Variants in GNAQ observed in about 807,000 individuals in gnomAD.
GNAQ encodes the protein guanine nucleotide-binding protein G(q) subunit alpha.
In GNAQ, 8 loss-of-function variants were observed where a neutral mutation model predicts 43.9. The observed-to-expected ratio is 0.18, with a 90% CI of 0.11 to 0.33. The LOEUF is 0.33. GNAQ is among the 10% of genes least tolerant of loss of function. The probability of loss-of-function intolerance (pLI) is 1.00; values close to 1 mark genes in which losing one functional copy is unlikely to be tolerated. For synonymous variants in GNAQ, 155 were observed against 170.7 expected (o/e 0.91, Z 0.71); for missense variants, 158 against 450.8 (o/e 0.35, Z 5.88).
At chr9:77,862,627 T>G (rs1295119859) in intron 2 of GNAQ, among the ~76,000 whole-genome samples, 1 of 152,186 alleles carries the variant, frequency 6.6e-6, no homozygotes, top group African/African-American at 2.4e-5. Flanking sequence ...ACCTCCAGGT[T>G]TGTTATAGGA....
intron 2 of GNAQ, among the ~76,000 whole-genome samples, chr9:77,819,441 A>G (rs1827076361): frequency 6.6e-6 from 1 of 152,102 alleles, no homozygotes; most frequent in Non-Finnish European, 1.5e-5. Flanking sequence ...AATGAAAAAG[A>G]CCTCATAGTC....
At chr9:77,989,328 A>G (rs1823480686) in intron 1 of GNAQ, among the ~76,000 whole-genome samples, 1 of 152,160 alleles carries the variant, frequency 6.6e-6, no homozygotes, top group Non-Finnish European at 1.5e-5. Flanking sequence ...CCATCCCCTC[A>G]TGTGCATCAA....
chr9:77,940,687 G>A lies in GNAQ; in HGVS notation c.137-18342C>T, dbSNP rs1829301839. Among the ~76,000 whole-genome samples, 13 of 152,268 alleles carry A rather than the reference G, an allele frequency of 8.5e-5. No homozygotes were observed. In the South Asian group the frequency reaches 2.7e-3, roughly 32 times the overall value. On this transcript the variant is annotated intron_variant, in intron 1 of 6. Coordinates refer to ENST00000286548, the MANE Select transcript of GNAQ (RefSeq NM_002072.5). ...GATGTATTTTAAAATTTGCAAGTCGGCTGCGCGCGGTGGCTCACGCCTGTA... is the reference window on the plus strand; with the variant it reads ...GATGTATTTTAAAATTTGCAAGTCGACTGCGCGCGGTGGCTCACGCCTGTA...
intron 5 of GNAQ, among the ~76,000 whole-genome samples, chr9:77,735,467 GCAA>G (rs1404717540): frequency 6.6e-6 from 1 of 152,002 alleles, no homozygotes; most frequent in African/African-American, 2.4e-5. Context: ...GTAAATAAAT[GCAA>G]CAACCCAGAA....
At chr9:77,826,907 C>T (rs554132082) in intron 2 of GNAQ, among the ~76,000 whole-genome samples, 1 of 152,224 alleles carries the variant, frequency 6.6e-6, no homozygotes, top group African/African-American at 2.4e-5. Flanking sequence ...TTCAGTAAAA[C>T]AACGCTTTTG....
At chr9:77,910,681 A>G (rs1453288244) in intron 2 of GNAQ, among the ~76,000 whole-genome samples, 1 of 152,124 alleles carries the variant, frequency 6.6e-6, no homozygotes, top group Non-Finnish European at 1.5e-5. Flanking sequence ...ACTACAACAT[A>G]GGAGATACTT....
chr9:78,011,725 C>G (rs1195335392), intron 1 of GNAQ, among the ~76,000 whole-genome samples: 1 of 152,036 alleles, frequency 6.6e-6, no homozygotes, highest in African/African-American at 2.4e-5. Flanking sequence ...CAAAACAGTG[C>G]CAAATCAGCA....
intron 1 of GNAQ, among the ~76,000 whole-genome samples, chr9:77,938,353 T>C (rs1357521159): frequency 1.3e-5 from 2 of 152,172 alleles, no homozygotes; most frequent in African/African-American, 4.8e-5. Flanking sequence ...ATGACAGAGT[T>C]TGGATCAGAT....
intron 1 of GNAQ, among the ~76,000 whole-genome samples, chr9:77,992,809 G>A (rs1197781026): frequency 6.6e-6 from 1 of 152,030 alleles, no homozygotes; most frequent in African/African-American, 2.4e-5. Context: ...GCCAAGTGTG[G>A]TGGTACACGC....
At chr9:77,750,528 T>C (rs758036194) in intron 5 of GNAQ, among the ~76,000 whole-genome samples, 2 of 152,206 alleles carry the variant, frequency 1.3e-5, no homozygotes, top group Admixed American at 1.3e-4. Context: ...TTCAAGATGG[T>C]ATACAGAAGT....
intron 5 of GNAQ, among the ~76,000 whole-genome samples, chr9:77,732,265 G>A (rs913399151): frequency 6.6e-6 from 1 of 152,114 alleles, no homozygotes; most frequent in Non-Finnish European, 1.5e-5. Context: ...TTACTCTGAA[G>A]ACAGGTTTAA....
At chr9:77,852,390 A>C (rs1428031303) in intron 2 of GNAQ, among the ~76,000 whole-genome samples, 1 of 152,206 alleles carries the variant, frequency 6.6e-6, no homozygotes, top group Non-Finnish European at 1.5e-5. Context: ...CAGAGCAATG[A>C]AGAAGGGTGC....
chr9:77,925,236 CCAAT>C (rs746392318), intron 1 of GNAQ, among the ~76,000 whole-genome samples: 2 of 152,116 alleles, frequency 1.3e-5, no homozygotes, highest in Non-Finnish European at 2.9e-5. Context: ...AGCACAAATA[CCAAT>C]CAAATGAAGG....
chr9:77,879,587 C>T (rs548543858), intron 2 of GNAQ, among the ~76,000 whole-genome samples: 1 of 152,238 alleles, frequency 6.6e-6, no homozygotes, highest in Non-Finnish European at 1.5e-5. Flanking sequence ...TGAGTAATAT[C>T]TGTCCAGACT....
intron 1 of GNAQ, among the ~76,000 whole-genome samples, chr9:77,977,446 C>A (rs1316334556): frequency 6.6e-6 from 1 of 152,036 alleles, no homozygotes; most frequent in Non-Finnish European, 1.5e-5. Flanking sequence ...AAATTGAGCT[C>A]CCTCTTGAAA....
chr9:77,918,975 A>T (rs959890133), intron 2 of GNAQ, among the ~76,000 whole-genome samples: 3 of 152,196 alleles, frequency 2.0e-5, no homozygotes, highest in Admixed American at 6.5e-5. Context: ...GCTGCAGCGT[A>T]GCGGCATGAT....
intron 2 of GNAQ, among the ~76,000 whole-genome samples, chr9:77,921,695 G>A (rs1194378901): frequency 6.6e-6 from 1 of 152,166 alleles, no homozygotes; most frequent in African/African-American, 2.4e-5. Context: ...AATGAAGCCT[G>A]TGGTACTACT....
intron 2 of GNAQ, among the ~76,000 whole-genome samples, chr9:77,863,699 T>A (rs1320028328): frequency 1.3e-5 from 2 of 152,090 alleles, no homozygotes; most frequent in Admixed American, 6.5e-5. Context: ...AAAAGAGGTT[T>A]AATGGACTTA....
At chr9:77,902,692 C>T (rs1006317887) in intron 2 of GNAQ, among the ~76,000 whole-genome samples, 1 of 152,132 alleles carries the variant, frequency 6.6e-6, no homozygotes, top group Non-Finnish European at 1.5e-5. Flanking sequence ...AAACCTAACC[C>T]AAGTTAGAAA....
Sources: gnomAD v4.1 joint callset for allele counts (sites outside exome capture counted in the v4.1 genomes callset) on GRCh38, gnomAD v4.1.1 for gene constraint, MANE v1.5 for transcripts, NCBI Gene and HGNC (gene_info 2026-07-23, HGNC 2026-07-21) for gene names.